The following ZFHX3 variants were observed in gnomAD, a reference collection of about 807,000 sequenced individuals.
The protein encoded by ZFHX3 is zinc finger homeobox 3, also known as zinc finger homeobox protein 3.
In ZFHX3, 42 loss-of-function variants were observed where a neutral mutation model predicts 279.1. The observed-to-expected ratio is 0.15, with a 90% CI of 0.12 to 0.19. The LOEUF (loss-of-function observed/expected upper bound fraction) is 0.19. Among genes scored for constraint, ZFHX3 ranks in the 10% least tolerant of loss-of-function variants. ZFHX3 has a pLI of 1.00. For missense variants in ZFHX3, 4,981 were observed against 4,754.0 expected, an observed-to-expected ratio of 1.05 and a Z score of -1.40; for synonymous variants, 2,293 against 1,957.8, an observed-to-expected ratio of 1.17 and a Z score of -4.52.
chr16:73,268,380 G>C (rs1387215552), intron 4 of ZFHX3, among the ~76,000 whole-genome samples: 4 of 152,228 alleles, frequency 2.6e-5, no homozygotes, highest in Admixed American at 2.6e-4. Context: ...TTGCAGGGGA[G>C]AGACAAGGGT....
chr16:73,408,784 A>G (rs2143453943), intron 3 of ZFHX3, among the ~76,000 whole-genome samples: 1 of 152,204 alleles, frequency 6.6e-6, no homozygotes, highest in South Asian at 2.1e-4. Context: ...GAAAAGAGAC[A>G]GGCATGGCTT....
chr16:73,607,479 T>C lies in ZFHX3; in HGVS notation c.-1547+72701A>G, dbSNP rs548823592. Among the ~76,000 whole-genome samples the C allele has an allele frequency of 2.1e-4, 32 of 152,324 alleles. No individual in the cohort carries two copies. The South Asian group carries it at 6.4e-3, about 31-fold the overall frequency. The stretch of plus-strand genomic sequence containing the variant: ...TGCACGCGTATGTTCATTGCAGCAC[T>C]ATTCACAATAGCAAAGACATAGAAT... On this transcript the variant is annotated intron_variant, in intron 2 of 17. Transcript: ENST00000641206.
chr16:73,157,800 G>A (rs934353943), intron 5 of ZFHX3, among the ~76,000 whole-genome samples: 2 of 152,148 alleles, frequency 1.3e-5, no homozygotes, highest in African/African-American at 2.4e-5. Flanking sequence ...GAGGTTTGCT[G>A]TGGGCTGCCA....
intron 1 of ZFHX3, among the ~76,000 whole-genome samples, chr16:73,838,905 G>C (rs145888100): frequency 5.3e-4 from 81 of 152,236 alleles, no homozygotes; most frequent in African/African-American, 1.9e-3. Flanking sequence ...TAAAAGGGCA[G>C]ATCAGGTAAA....
chr16:72,836,630 T>A (rs1049898735), intron 4 of ZFHX3, among the ~76,000 whole-genome samples: 1 of 152,010 alleles, frequency 6.6e-6, no homozygotes, highest in African/African-American at 2.4e-5. Context: ...TCCATGGAAG[T>A]CCTCTGTGGA....
chr16:73,845,988 A>G (rs1376268612), intron 1 of ZFHX3, among the ~76,000 whole-genome samples: 1 of 152,124 alleles, frequency 6.6e-6, no homozygotes, highest in Non-Finnish European at 1.5e-5. Context: ...ATGTAGAGAC[A>G]GGGTCTTACC....
intron 6 of ZFHX3, among the ~76,000 whole-genome samples, chr16:73,138,203 G>T (rs1011662906): frequency 1.3e-5 from 2 of 152,092 alleles, no homozygotes; most frequent in Admixed American, 6.5e-5. Context: ...AGATTTTCTC[G>T]TGAAAGCTTA....
intron 3 of ZFHX3, among the ~76,000 whole-genome samples, chr16:73,391,754 G>T (rs1038734525): frequency 6.6e-6 from 1 of 152,158 alleles, no homozygotes. Flanking sequence ...CCAGTGCCAA[G>T]GGGGGCAGAT....
chr16:73,790,518 AT>A (rs1959792816), intron 1 of ZFHX3, among the ~76,000 whole-genome samples: 1 of 152,132 alleles, frequency 6.6e-6, no homozygotes, highest in Non-Finnish European at 1.5e-5. Flanking sequence ...ATTTTCTGCC[AT>A]TTCTCCTCTC....
intron 2 of ZFHX3, among the ~76,000 whole-genome samples, chr16:73,673,800 G>A (rs2052927204): frequency 6.6e-6 from 1 of 152,160 alleles, no homozygotes; most frequent in Non-Finnish European, 1.5e-5. Flanking sequence ...CACCTGAATG[G>A]AGATTTAGAC....
intron 1 of ZFHX3, among the ~76,000 whole-genome samples, chr16:73,833,701 T>C (rs1249706683): frequency 2.6e-5 from 4 of 151,954 alleles, no homozygotes; most frequent in South Asian, 4.2e-4. Flanking sequence ...CGTGTATACC[T>C]ATGTAACAAA....
At chr16:73,819,851 TA>T (rs1288806590) in intron 1 of ZFHX3, among the ~76,000 whole-genome samples, 1 of 152,074 alleles carries the variant, frequency 6.6e-6, no homozygotes, top group African/African-American at 2.4e-5. Context: ...TCCCCATATT[TA>T]AACCAAAAAA....
At chr16:73,419,364 T>A (rs1234937903) in intron 3 of ZFHX3, among the ~76,000 whole-genome samples, 1 of 152,224 alleles carries the variant, frequency 6.6e-6, no homozygotes, top group East Asian at 1.9e-4. Context: ...TTGACTCATG[T>A]GAGTGTGACT....
intron 2 of ZFHX3, among the ~76,000 whole-genome samples, chr16:73,622,781 C>T (rs777441152): frequency 2.6e-5 from 4 of 152,108 alleles, no homozygotes; most frequent in Non-Finnish European, 5.9e-5. Flanking sequence ...GCAAGAGGGA[C>T]CCTGAAGTCT....
intron 4 of ZFHX3, among the ~76,000 whole-genome samples, chr16:73,258,862 G>A (rs998363198): frequency 6.6e-6 from 1 of 152,102 alleles, no homozygotes; most frequent in Admixed American, 6.5e-5. Flanking sequence ...CCATTCTACT[G>A]AGATTGCTGC....
intron 2 of ZFHX3, among the ~76,000 whole-genome samples, chr16:73,588,640 A>G (rs546806213): frequency 1.3e-5 from 2 of 151,140 alleles, no homozygotes; most frequent in East Asian, 3.9e-4. Flanking sequence ...CAGTGAGCTG[A>G]GATTGAGCCA....
Position 72,787,052 on chromosome 16 carries a change from T to TTG in ZFHX3, c.*111_*112insCA. ...TTTCTTTTTTTTCTTTTTTTTTTTTTTTTTGTTTTTTGGTTAGAAGCTTTG... is the reference window on the plus strand; with the variant it reads ...TTTCTTTTTTTTCTTTTTTTTTTTTTTGTTTTGTTTTTTGGTTAGAAGCTTTG... On this transcript the variant is annotated 3_prime_UTR_variant, in exon 10 of 10. Transcript: ENST00000268489. 1 of 1,048,794 alleles carries TTG rather than the reference T, an allele frequency of 9.5e-7. No homozygotes were observed. Among genetic ancestry groups the TTG allele is most frequent in the Non-Finnish European group, 1.2e-6 (1 of 827,602 alleles). 65.0% of individuals were successfully genotyped at this position (1,048,794 alleles called of 1,614,324 possible). A position where few individuals can be genotyped will look rare whatever the true frequency, so the allele number is the denominator to read the frequency against.
At chr16:73,415,930 G>T (rs2017564073) in intron 3 of ZFHX3, among the ~76,000 whole-genome samples, 1 of 152,030 alleles carries the variant, frequency 6.6e-6, no homozygotes, top group South Asian at 2.1e-4. Context: ...GACTAGCCTG[G>T]CCAACATGGT....
intron 2 of ZFHX3, among the ~76,000 whole-genome samples, chr16:73,517,289 C>T (rs1479343385): frequency 6.6e-6 from 1 of 152,220 alleles, no homozygotes; most frequent in South Asian, 2.1e-4. Context: ...CTCTATGGCT[C>T]ACTCATTTCC....
Sources: allele counts gnomAD v4.1 joint callset (sites outside exome capture counted in the v4.1 genomes callset), GRCh38; gene constraint gnomAD v4.1.1; transcripts MANE v1.5; gene names NCBI Gene and HGNC (gene_info 2026-07-23, HGNC 2026-07-21).